Variants in MUC12 observed in about 807,000 individuals in gnomAD.
The protein encoded by MUC12 is mucin 12, cell surface associated.
Under a neutral mutation model 230.8 loss-of-function variants are expected in MUC12, and 172 were observed. The ratio of observed to expected loss-of-function variants is 0.75; its 90% CI spans 0.66 to 0.85. The LOEUF (loss-of-function observed/expected upper bound fraction) is 0.85. Among genes scored for constraint, MUC12 ranks in the 40% least tolerant of loss-of-function variants. The pLI is 0.00. For missense variants in MUC12, 3,506 were observed against 5,920.6 expected (o/e 0.59, Z 13.38); for synonymous variants, 1,259 against 2,401.9 (o/e 0.52, Z 13.91).
At chr7:100,987,724 G>A (rs2116291173) in intron 1 of MUC12, among the ~76,000 whole-genome samples, 1 of 152,254 alleles carries the variant, frequency 6.6e-6, no homozygotes, top group Admixed American at 6.5e-5. Context: ...TGTAATCCCA[G>A]CACTTTGGGA....
chr7:101,005,951 C>T (rs533636078), intron 2 of MUC12, among the ~76,000 whole-genome samples: 1 of 152,204 alleles, frequency 6.6e-6, no homozygotes, highest in Non-Finnish European at 1.5e-5. Context: ...GTGCCCACCA[C>T]CATGCCTACC....
At chr7:101,012,474 C>A in intron 6 of MUC12, 27 bp downstream of exon 6, 1 of 1,536,110 alleles carries the variant, frequency 6.5e-7, no homozygotes, top group Non-Finnish European at 8.7e-7. Flanking sequence ...CCCCTTGACA[C>A]CTGTGGGTGT....
In MUC12 at chr7:100,995,420, C is replaced by G. The variant is rs373607137; in HGVS notation, c.4857C>G (p.Ser1619=). 6.5e-7 allele frequency: 1 copy of G among 1,532,826 alleles called. No homozygotes were observed. Among genetic ancestry groups the G allele is most frequent in the African/African-American group, 1.4e-5 (1 of 70,590 alleles). 95.0% of individuals were successfully genotyped at this position (1,532,826 alleles called of 1,614,324 possible). Residue 1619 remains serine (S), a synonymous_variant, in exon 2 of 12, where the codon TCC becomes TCG. Coordinates refer to ENST00000536621, the MANE Select transcript of MUC12 (RefSeq NM_001164462.2). ...SSPGSTDTTL[S]PGSTTASSLG... ...CAGGCTCCACAGACACAACATTGTC[C>G]CCTGGCAGTACCACAGCATCATCCC...
chr7:101,007,956 C>T (rs951710004), intron 3 of MUC12, among the ~76,000 whole-genome samples: 4 of 147,250 alleles, frequency 2.7e-5, no homozygotes, highest in African/African-American at 1.0e-4. Flanking sequence ...CGTCACCATG[C>T]CTGGCTATTT....
At position 101,004,735 on chromosome 7, in the gene MUC12, A is replaced by C. The variant is rs947817795; in HGVS notation, c.14172A>C (p.Thr4724=). The change falls in exon 2 of 12, where the codon ACA becomes ACC. Residue 4724 remains threonine, a synonymous_variant. Transcript: ENST00000536621. The part of the protein sequence containing the change: ...FYISPGSMET[T]LASTATTPGL... ...TCTCTCCAGGCTCAATGGAAACAAC[A>C]TTAGCCAGCACTGCCACAACACCAG... is the stretch of plus-strand genomic sequence containing the variant. 7.2e-6 allele frequency: 11 copies of C among 1,536,876 alleles called. No individual in the cohort carries two copies. In the African/African-American group the frequency reaches 9.6e-5, roughly 13 times the overall value.
intron 1 of MUC12, among the ~76,000 whole-genome samples, chr7:100,974,925 T>A (rs1433891647): frequency 2.0e-5 from 3 of 152,426 alleles, no homozygotes; most frequent in South Asian, 4.1e-4. Flanking sequence ...AGAGGCCTCT[T>A]GAGAGGCACC....
rs1233643538 is a variant in MUC12, at chr7:101,012,870, C to T, written c.15455C>T (p.Thr5152Ile). The T allele has an allele frequency of 6.5e-7, 1 of 1,537,178 alleles. No individual in the cohort carries two copies. Among genetic ancestry groups the T allele is most frequent in the Non-Finnish European group, 8.7e-7 (1 of 1,146,932 alleles). Reference sequence around the variant, plus strand: ...GACACTTTCGTGGATTCATCGGTGACTCCGGGCTTTGACTTCCAGGGTAAG... The same window carrying T: ...GACACTTTCGTGGATTCATCGGTGATTCCGGGCTTTGACTTCCAGGGTAAG... ...EEDTFVDSSV[T>I]PGFDFQEQCT... The change falls in exon 7 of 12, where the codon ACT (threonine) becomes ATT (isoleucine). Residue 5152 changes from threonine to isoleucine, a missense_variant. Coordinates refer to ENST00000536621, the MANE Select transcript of MUC12 (RefSeq NM_001164462.2).
At chr7:101,006,347 G>A in intron 2 of MUC12, 124 bp from the exon 3 acceptor site, 2 of 673,192 alleles carry the variant, frequency 3.0e-6, no homozygotes, top group South Asian at 1.7e-5. Flanking sequence ...CTTCATTGCT[G>A]TGCGGTCATC....
Position 100,991,821 on chromosome 7 carries a change from G to A in MUC12, c.1258G>A (p.Glu420Lys). The change falls in exon 2 of 12, where the codon GAA (glutamate) becomes AAA (lysine). Residue 420 changes from glutamate to lysine, a missense_variant. Transcript: ENST00000536621. ...CTACCACAGCAGCCTGGGCTCAACT[G>A]AAACAACACACTTCCGTGATAGCTC... ...TSYHSSLGST[E>K]TTHFRDSSTI... is the part of the protein sequence containing the mutation. 1 of 1,537,896 alleles carries A rather than the reference G, an allele frequency of 6.5e-7. No homozygotes were observed. The highest frequency in any genetic ancestry group is 1.2e-5 in the South Asian group (1 of 84,064).
At position 100,992,061 on chromosome 7, in the gene MUC12, C is replaced by A. The variant is rs1408739929; in HGVS notation, c.1498C>A (p.Pro500Thr). ...GAAATCTACCACTTTCTACAGTAGC[C>A]CCAGATCACCAGACACAACACACTT... The part of the protein sequence containing the change: ...SEKSTTFYSS[P>T]RSPDTTHLPA... Residue 500 changes from proline (P) to threonine (T), a missense_variant, in exon 2 of 12, where the codon CCC becomes ACC. Transcript: ENST00000536621. 6.5e-7 allele frequency: 1 copy of A among 1,537,326 alleles called. No individual in the cohort carries two copies. Among genetic ancestry groups the A allele is most frequent in the Non-Finnish European group, 8.7e-7 (1 of 1,146,702 alleles).
At position 100,995,680 on chromosome 7, in the gene MUC12, C is replaced by T. The variant is rs1423420857; in HGVS notation, c.5117C>T (p.Thr1706Ile). The part of the protein sequence containing the change: ...KDTMPAPPTT[T>I]SAFVELSTTS... ...ACTATGCCTGCACCTCCTACTACCA[C>T]ATCAGCCTTTGTTGAGCTATCTACA... The change falls in exon 2 of 12, where the codon ACA becomes ATA. Residue 1706 changes from threonine (T) to isoleucine (I), a missense_variant. Transcript: ENST00000536621. 7.2e-6 allele frequency: 11 copies of T among 1,537,158 alleles called. No homozygotes were observed. In the African/African-American group the frequency reaches 1.1e-4, roughly 15 times the overall value.
chr7:100,987,130 A>T (rs1400231907), intron 1 of MUC12, among the ~76,000 whole-genome samples: 8 of 138,448 alleles, frequency 5.8e-5, no homozygotes, highest in Non-Finnish European at 9.0e-5. Flanking sequence ...GCAATGGTGC[A>T]ATCTCGGCTC....
At chr7:100,970,646 G>C (rs1792858202) in intron 1 of MUC12, among the ~76,000 whole-genome samples, 1 of 152,092 alleles carries the variant, frequency 6.6e-6, no homozygotes, top group African/African-American at 2.4e-5. Flanking sequence ...TGCCGAGGCA[G>C]GCAGATCACG....
In MUC12 at chr7:100,995,633, G is replaced by C. The variant is rs997313150; in HGVS notation, c.5070G>C (p.Gln1690His). 5.6e-5 allele frequency: 86 copies of C among 1,536,992 alleles called. 4 individuals carry two copies. In the African/African-American group the frequency reaches 9.4e-4, roughly 17 times the overall value. ...GTCAGGGAGAATCTACCACCTTCCA[G>C]AGCTGGCCAAGCTCAAAGGACACTA... ...TTRQGESTTF[Q>H]SWPSSKDTMP... The change falls in exon 2 of 12, where the codon CAG becomes CAC. Residue 1690 changes from glutamine (Q) to histidine (H), a missense_variant. By Grantham distance (24) the Gln-to-His change is conservative (BLOSUM62 0). Coordinates refer to ENST00000536621, the MANE Select transcript of MUC12 (RefSeq NM_001164462.2).
intron 1 of MUC12, among the ~76,000 whole-genome samples, chr7:100,977,653 C>T (rs1025041788): frequency 1.4e-4 from 22 of 152,148 alleles, no homozygotes; most frequent in African/African-American, 4.8e-4. Flanking sequence ...CATAAGCCAC[C>T]GTGCCTGGCC....
intron 10 of MUC12, 159 bp from the exon 11 acceptor site, chr7:101,017,416 C>G (rs1793948662): frequency 1.7e-6 from 1 of 597,090 alleles, no homozygotes; most frequent in African/African-American, 1.9e-5. Context: ...TGCACTTACC[C>G]GCAGCCCAGT....
intron 1 of MUC12, among the ~76,000 whole-genome samples, chr7:100,989,614 T>C (rs1001665253): frequency 6.6e-6 from 1 of 152,042 alleles, no homozygotes; most frequent in African/African-American, 2.4e-5. Flanking sequence ...GAGCAGGCAA[T>C]ACTGGACAGA....
Position 100,969,586 on chromosome 7 carries a change from A to G in MUC12, c.-37A>G. On this transcript the variant is annotated 5_prime_UTR_variant, in exon 1 of 12. Transcript: ENST00000536621. ...CTTCATTTCTTGGTCCCTCCTGATGAGAGAAGATGGGCAGCCAGGGGCCCG... is the reference window on the plus strand; with the variant it reads ...CTTCATTTCTTGGTCCCTCCTGATGGGAGAAGATGGGCAGCCAGGGGCCCG... 6.5e-7 allele frequency: 1 copy of G among 1,537,382 alleles called. No homozygotes were observed. Among genetic ancestry groups the G allele is most frequent in the Non-Finnish European group, 8.7e-7 (1 of 1,146,912 alleles).
At position 101,008,861 on chromosome 7, in the gene MUC12, G is replaced by A. The variant is rs1393351259; in HGVS notation, c.15186+100G>A. 1.6e-5 allele frequency: 23 copies of A among 1,419,214 alleles called. No individual in the cohort carries two copies. In the Admixed American group the frequency reaches 5.6e-4, roughly 34 times the overall value. 87.9% of individuals were successfully genotyped at this position (1,419,214 alleles called of 1,614,324 possible). ...TAGTGATCTGAGTTCTTCTGCTCAT[G>A]AGCCCCCTCCCTACCAGTCTCCCTA... On this transcript the variant is annotated intron_variant, in intron 4 of 11. Transcript: ENST00000536621.
Sources: allele counts gnomAD v4.1 joint callset (sites outside exome capture counted in the v4.1 genomes callset), GRCh38; gene constraint gnomAD v4.1.1; transcripts MANE v1.5; gene names NCBI Gene and HGNC (gene_info 2026-07-23, HGNC 2026-07-21).